TENM3: variants seen among roughly 807,000 people sequenced by gnomAD.
TENM3 encodes the protein teneurin-3.
In TENM3, 63 loss-of-function variants were observed where a neutral mutation model predicts 255.1. That is an observed-to-expected ratio of 0.25 (90% CI 0.20 to 0.30). TENM3 has a LOEUF of 0.30. Ranked by LOEUF, TENM3 falls within the 10% of genes least tolerant of loss-of-function variation. TENM3 has a pLI of 1.00. For missense variants in TENM3, 2,929 were observed against 3,461.1 expected (o/e 0.85, Z 3.86); for synonymous variants, 1,306 against 1,322.3 (o/e 0.99, Z 0.27).
chr4:181,924,346 C>G, the TENM3 span, among the ~76,000 whole-genome samples: 167 of 152,122 alleles, frequency 1.1e-3, no homozygotes, highest in African/African-American at 3.9e-3. Context: ...TGTTTCTGAC[C>G]CAGGAGTCTT....
At chr4:181,616,480 C>T in the TENM3 span, among the ~76,000 whole-genome samples, 28 of 148,412 alleles carry the variant, frequency 1.9e-4, no homozygotes, top group African/African-American at 6.6e-4. Context: ...AATTAATATA[C>T]TATAATATCC....
chr4:182,299,428 A>G (rs1580074469), intron 1 of TENM3, among the ~76,000 whole-genome samples: 1 of 152,302 alleles, frequency 6.6e-6, no homozygotes, highest in East Asian at 1.9e-4. Context: ...ATAGATTCGG[A>G]AATTATTTCA....
intron 6 of TENM3, among the ~76,000 whole-genome samples, chr4:182,667,247 G>A (rs1754777505): frequency 6.6e-6 from 1 of 152,156 alleles, no homozygotes; most frequent in Admixed American, 6.5e-5. Flanking sequence ...CTAGAGTGCA[G>A]TGGTGTGATC....
At chr4:182,692,178 T>C (rs1757058771) in intron 12 of TENM3, among the ~76,000 whole-genome samples, 2 of 152,222 alleles carry the variant, frequency 1.3e-5, no homozygotes, top group Non-Finnish European at 2.9e-5. Flanking sequence ...TCTTCTTGCT[T>C]AGAAAAAGAG....
At chr4:181,694,740 C>T in the TENM3 span, among the ~76,000 whole-genome samples, 11 of 152,170 alleles carry the variant, frequency 7.2e-5, no homozygotes, top group Non-Finnish European at 1.5e-4. Flanking sequence ...CAGAGCTTTG[C>T]GTTAACAACA....
At chr4:182,233,146 T>G (rs1286226366) in intron 1 of TENM3, among the ~76,000 whole-genome samples, 2 of 152,094 alleles carry the variant, frequency 1.3e-5, no homozygotes, top group African/African-American at 2.4e-5. Flanking sequence ...GCCAGAGATG[T>G]TCCCACCTTC....
chr4:181,717,329 A>C, the TENM3 span, among the ~76,000 whole-genome samples: 1 of 152,312 alleles, frequency 6.6e-6, no homozygotes, highest in Non-Finnish European at 1.5e-5. Flanking sequence ...AAATTGCAGG[A>C]GATGATCACG....
At chr4:181,836,788 T>C in the TENM3 span, among the ~76,000 whole-genome samples, 1 of 152,230 alleles carries the variant, frequency 6.6e-6, no homozygotes. Context: ...TGTCAAGTTA[T>C]AAAATTTAAT....
At position 182,755,302 on chromosome 4, in the gene TENM3, TATA is replaced by T. The variant is rs553625407; in HGVS notation, c.4892+50_4892+52del. ...CTACTCTGATTATAAAATACTGTGA[TATA>T]ATAATATCATCTATAATAACAATAT... is the stretch of plus-strand genomic sequence containing the variant. On this transcript the variant is annotated intron_variant, in intron 22 of 27. Coordinates refer to ENST00000511685, the MANE Select transcript of TENM3 (RefSeq NM_001080477.4). 1.9e-3 allele frequency: 2,674 copies of T among 1,380,344 alleles called. 1 individual carries two copies. Among genetic ancestry groups the T allele is most frequent in the Non-Finnish European group, 2.3e-3 (2,418 of 1,030,988 alleles). The allele number at this position is 1,380,344 out of a possible 1,614,324, so 85.5% of individuals were successfully genotyped here. A position where few individuals can be genotyped will look rare whatever the true frequency, so the allele number is the denominator to read the frequency against.
chr4:181,889,547 A>G, the TENM3 span, among the ~76,000 whole-genome samples: 1 of 152,194 alleles, frequency 6.6e-6, no homozygotes, highest in South Asian at 2.1e-4. Flanking sequence ...TTGGCATACA[A>G]TCAATACTAT....
chr4:182,399,289 CT>C (rs1235366651), intron 3 of TENM3, among the ~76,000 whole-genome samples: 36 of 151,540 alleles, frequency 2.4e-4, no homozygotes, highest in Middle Eastern at 3.4e-3. Context: ...TTAAGTGGTA[CT>C]TTTTTTTTTC....
the TENM3 span, among the ~76,000 whole-genome samples, chr4:182,082,346 G>A: frequency 6.6e-6 from 1 of 151,944 alleles, no homozygotes; most frequent in African/African-American, 2.4e-5. Flanking sequence ...AATCACCCCC[G>A]CCAAAGGCCC....
At position 182,793,031 on chromosome 4, in the gene TENM3, G is replaced by A; in HGVS notation, c.6359G>A (p.Gly2120Glu). ...GTAACCAAGAGAGAGATTAAAATAG[G>A]GCCCTTTGCCAACACCACCAAATAT... ...GRVTKREIKI[G>E]PFANTTKYAY... The change falls in exon 26 of 28, where the codon GGG becomes GAG. Residue 2120 changes from glycine to glutamate, a missense_variant. Physicochemically the swap from Gly to Glu is moderately conservative, Grantham distance 98. This residue lies in a region of TENM3 where 256 missense variants were observed against 389.3 expected (regional missense o/e 0.66). Transcript: ENST00000511685. The surrounding 1 kb of genome is among the most constrained non-coding windows in gnomAD (Gnocchi z 5.7). 1 of 1,613,798 alleles carries A rather than the reference G, an allele frequency of 6.2e-7. No homozygotes were observed. The highest frequency in any genetic ancestry group is 1.3e-5 in the African/African-American group (1 of 74,960).
At chr4:182,422,794 C>T (rs1360969551) in intron 3 of TENM3, among the ~76,000 whole-genome samples, 3 of 152,220 alleles carry the variant, frequency 2.0e-5, no homozygotes, top group Non-Finnish European at 4.4e-5. Flanking sequence ...TACCAGTTTT[C>T]AGACACCCTT....
chr4:181,908,053 G>T, the TENM3 span, among the ~76,000 whole-genome samples: 1 of 151,962 alleles, frequency 6.6e-6, no homozygotes, highest in Non-Finnish European at 1.5e-5. Flanking sequence ...TAAATCAAAT[G>T]GTCGTATGTT....
intron 1 of TENM3, among the ~76,000 whole-genome samples, chr4:182,222,723 G>A (rs1450635321): frequency 6.6e-6 from 1 of 152,106 alleles, no homozygotes; most frequent in African/African-American, 2.4e-5. Context: ...CCATTTTTCT[G>A]TCTAACTTTT....
At chr4:181,905,017 T>C in the TENM3 span, among the ~76,000 whole-genome samples, 1 of 152,162 alleles carries the variant, frequency 6.6e-6, no homozygotes, top group Non-Finnish European at 1.5e-5. Flanking sequence ...TCTGCCTTGA[T>C]TGTGAGGCCT....
At chr4:182,321,443 T>C (rs1466969016) in intron 1 of TENM3, among the ~76,000 whole-genome samples, 1 of 151,724 alleles carries the variant, frequency 6.6e-6, no homozygotes, top group Non-Finnish European at 1.5e-5. Flanking sequence ...CTCACCAACA[T>C]GGTGAAACCC....
chr4:182,288,355 T>G (rs1333252961), intron 1 of TENM3, among the ~76,000 whole-genome samples: 1 of 152,138 alleles, frequency 6.6e-6, no homozygotes, highest in East Asian at 1.9e-4. Flanking sequence ...TAGGAGTGAG[T>G]GCCCAGCACC....
Sources: allele counts gnomAD v4.1 joint callset (sites outside exome capture counted in the v4.1 genomes callset), GRCh38; gene constraint gnomAD v4.1.1; regional missense constraint gnomAD v4.1.1; non-coding constraint Gnocchi (gnomAD v3.1); transcripts MANE v1.5; gene names NCBI Gene and HGNC (gene_info 2026-07-23, HGNC 2026-07-21).